Variants in FABP12 observed in about 807,000 individuals in gnomAD.
The protein encoded by FABP12 is fatty acid binding protein 12, also known as fatty acid-binding protein 12.
A neutral mutation model predicts 13.7 loss-of-function variants in FABP12; 19 were observed. The ratio of observed to expected loss-of-function variants is 1.39; its 90% confidence interval spans 0.97 to 2.04. The LOEUF is 2.04. FABP12 is among the 30% of genes most tolerant of loss of function. FABP12 has a pLI of 0.00. For synonymous variants in FABP12, 61 were observed against 57.0 expected (o/e 1.07, Z -0.32); for missense variants, 182 against 164.2 (o/e 1.11, Z -0.59).
intron 1 of FABP12, among the ~76,000 whole-genome samples, chr8:81,561,948 A>T (rs1299134335): frequency 6.6e-6 from 1 of 152,210 alleles, no homozygotes; most frequent in Non-Finnish European, 1.5e-5. Context: ...CACATGACAT[A>T]GTAAGCTACT....
intron 1 of FABP12, among the ~76,000 whole-genome samples, chr8:81,570,382 A>G (rs1284184819): frequency 6.6e-6 from 1 of 152,198 alleles, no homozygotes; most frequent in Non-Finnish European, 1.5e-5. Context: ...TTCTGCTACC[A>G]GGAAGAATGA....
chr8:81,560,545 C>A (rs186772995), intron 1 of FABP12, among the ~76,000 whole-genome samples: 1 of 152,154 alleles, frequency 6.6e-6, no homozygotes, highest in African/African-American at 2.4e-5. Context: ...ATCAGCCAGA[C>A]AAAACACATT....
upstream of FABP12, among the ~76,000 whole-genome samples, chr8:81,537,467 T>G (rs760564684): frequency 6.6e-6 from 1 of 152,202 alleles, no homozygotes; most frequent in Non-Finnish European, 1.5e-5. Context: ...GCGGTTCTAA[T>G]GCACTTGGAT....
At chr8:81,536,860 C>T (rs1438199597), upstream of FABP12, among the ~76,000 whole-genome samples, 2 of 152,168 alleles carry the variant, frequency 1.3e-5, no homozygotes, top group African/African-American at 4.8e-5. Flanking sequence ...TCTATGGTTG[C>T]TTTTGTGCTG....
chr8:81,576,432 T>C (rs1042695926), intron 1 of FABP12, among the ~76,000 whole-genome samples: 3 of 152,128 alleles, frequency 2.0e-5, no homozygotes, highest in African/African-American at 7.2e-5. Context: ...TTTTTTCTTA[T>C]AGGCAATCGA....
At position 81,582,119 on chromosome 8, in the gene FABP12, T is replaced by TTTC. The variant is rs1468572141; in HGVS notation, c.-185+7933_-185+7934insGAA. Reference sequence around the variant, plus strand: ...AAAGAAATACATTGGCTAACTGGAATTTTTTTTTTTTTTTTTTTTTTGAGA... The same window carrying TTTC: ...AAAGAAATACATTGGCTAACTGGAATTTCTTTTTTTTTTTTTTTTTTTTTGAGA... On this transcript the variant is annotated intron_variant, in intron 1 of 5. Transcript: ENST00000692030. 4.1e-3 allele frequency among the ~76,000 whole-genome samples: 6 copies of TTTC among 1,474 alleles called. No individual in the cohort carries two copies. The South Asian group carries it at 0.083, about 20-fold the overall frequency. 1.0% of individuals were successfully genotyped at this position (1,474 alleles called of 152,430 possible). A position where few individuals can be genotyped will look rare whatever the true frequency, so the allele number is the denominator to read the frequency against.
intron 1 of FABP12, among the ~76,000 whole-genome samples, chr8:81,557,097 A>G (rs1427573293): frequency 6.6e-6 from 1 of 151,958 alleles, no homozygotes; most frequent in Non-Finnish European, 1.5e-5. Context: ...CTGGTCTCGA[A>G]TTCCTGACCT....
intron 1 of FABP12, among the ~76,000 whole-genome samples, chr8:81,581,156 C>A (rs1464863847): frequency 1.3e-5 from 2 of 152,082 alleles, no homozygotes; most frequent in Non-Finnish European, 2.9e-5. Context: ...AATCAGAGTG[C>A]CAACAAGGAT....
chr8:81,558,596 A>G (rs1809662695), intron 1 of FABP12, among the ~76,000 whole-genome samples: 1 of 152,146 alleles, frequency 6.6e-6, no homozygotes, highest in South Asian at 2.1e-4. Context: ...TTAAGTGCAT[A>G]GAAGTTGGAT....
intron 1 of FABP12, among the ~76,000 whole-genome samples, chr8:81,585,411 C>T (rs1345817258): frequency 6.6e-6 from 1 of 152,118 alleles, no homozygotes; most frequent in African/African-American, 2.4e-5. Flanking sequence ...GGATTTATAT[C>T]TGAATTCTCT....
At chr8:81,583,445 G>C (rs1810197308) in intron 1 of FABP12, among the ~76,000 whole-genome samples, 1 of 151,954 alleles carries the variant, frequency 6.6e-6, no homozygotes, top group South Asian at 2.1e-4. Flanking sequence ...TAAAATATTT[G>C]TTAGACCAAT....
At chr8:81,589,821 C>G (rs1731893833) in intron 1 of FABP12, among the ~76,000 whole-genome samples, 2 of 152,198 alleles carry the variant, frequency 1.3e-5, no homozygotes, top group African/African-American at 4.8e-5. Context: ...AGTGGTCTCT[C>G]TCTAGTTAGC....
At chr8:81,534,504 A>T (rs1809173571), upstream of FABP12, among the ~76,000 whole-genome samples, 1 of 152,158 alleles carries the variant, frequency 6.6e-6, no homozygotes, top group Non-Finnish European at 1.5e-5. Flanking sequence ...TTTAACTCTC[A>T]TATTCTGTGT....
chr8:81,572,619 T>C (rs1809954944), intron 1 of FABP12, among the ~76,000 whole-genome samples: 1 of 152,204 alleles, frequency 6.6e-6, no homozygotes, highest in African/African-American at 2.4e-5. Flanking sequence ...CAACATCTAC[T>C]GTTTTTTGAT....
At chr8:81,577,724 C>T (rs569856726) in intron 1 of FABP12, among the ~76,000 whole-genome samples, 3 of 152,172 alleles carry the variant, frequency 2.0e-5, no homozygotes, top group Admixed American at 1.3e-4. Context: ...TTCCGCCATG[C>T]ACTCTAGCCT....
upstream of FABP12, among the ~76,000 whole-genome samples, chr8:81,537,062 C>T (rs932878187): frequency 7.5e-6 from 1 of 133,204 alleles, no homozygotes; most frequent in Non-Finnish European, 1.5e-5. Context: ...ATGGTGGATA[C>T]CATTTTTCAT....
chr8:81,566,140 C>A (rs537279785), intron 1 of FABP12, among the ~76,000 whole-genome samples: 1 of 151,912 alleles, frequency 6.6e-6, no homozygotes, highest in Admixed American at 6.5e-5. Context: ...CCTGAATAGA[C>A]CAATAACAGG....
At chr8:81,582,153 C>T (rs570784868) in intron 1 of FABP12, among the ~76,000 whole-genome samples, 12 of 117,866 alleles carry the variant, frequency 1.0e-4, no homozygotes, top group African/African-American at 3.5e-4. Context: ...GATGGAGTCT[C>T]GCTCTGTCAC....
chr8:81,533,348 C>T (rs1809132262), intron 1 of FABP12: 2 of 152,226 alleles, frequency 1.3e-5, no homozygotes, highest in Admixed American at 1.3e-4. Context: ...CAAAAATCTT[C>T]ACATATTTTG....
Sources: gnomAD v4.1 joint callset for allele counts (sites outside exome capture counted in the v4.1 genomes callset) on GRCh38, gnomAD v4.1.1 for gene constraint, MANE v1.5 for transcripts, NCBI Gene and HGNC (gene_info 2026-07-23, HGNC 2026-07-21) for gene names.